The following WWOX variants were observed in gnomAD, a reference collection of about 807,000 sequenced individuals.
WWOX encodes WW domain-containing oxidoreductase.
A neutral mutation model predicts 46.2 loss-of-function variants in WWOX; 69 were observed. That is an observed-to-expected ratio of 1.49 (90% CI 1.23 to 1.82). The LOEUF (loss-of-function observed/expected upper bound fraction) is 1.82. Ranked by LOEUF, WWOX falls within the 40% of genes most tolerant of loss-of-function variation. WWOX has a pLI of 0.00. For synonymous variants in WWOX, 359 were observed against 202.6 expected (o/e 1.77, Z -6.56); for missense variants, 919 against 542.6 (o/e 1.69, Z -6.89).
intron 5 of WWOX, among the ~76,000 whole-genome samples, chr16:78,330,477 A>T (rs1020294104): frequency 1.3e-5 from 2 of 151,840 alleles, no homozygotes; most frequent in Admixed American, 6.6e-5. Context: ...GCTCACTACA[A>T]TCTCTGCCTC....
chr16:78,684,376 C>G (rs1366176312), intron 8 of WWOX, among the ~76,000 whole-genome samples: 1 of 152,154 alleles, frequency 6.6e-6, no homozygotes, highest in South Asian at 2.1e-4. Context: ...TTTTCCTTAG[C>G]AGGGAGTGCC....
At chr16:78,146,871 T>G (rs951293474) in intron 4 of WWOX, among the ~76,000 whole-genome samples, 2 of 152,182 alleles carry the variant, frequency 1.3e-5, no homozygotes, top group Non-Finnish European at 2.9e-5. Flanking sequence ...AAGAGTATAA[T>G]TTACTTCCTT....
intron 8 of WWOX, among the ~76,000 whole-genome samples, chr16:78,811,416 C>G (rs1006652686): frequency 2.0e-5 from 3 of 152,078 alleles, no homozygotes; most frequent in Non-Finnish European, 4.4e-5. Context: ...TATTAACTTT[C>G]TTCATCTCCC....
intron 8 of WWOX, among the ~76,000 whole-genome samples, chr16:78,797,331 G>A (rs1405785960): frequency 3.1e-5 from 4 of 130,150 alleles, no homozygotes; most frequent in Admixed American, 8.7e-5. Context: ...CAGGACACAA[G>A]GTATGCAATT....
chr16:78,394,099 C>G (rs879736581), intron 6 of WWOX, among the ~76,000 whole-genome samples: 4 of 152,120 alleles, frequency 2.6e-5, no homozygotes, highest in Non-Finnish European at 4.4e-5. Flanking sequence ...ATGAATTACC[C>G]TGAAGACCAA....
intron 5 of WWOX, among the ~76,000 whole-genome samples, chr16:78,175,796 A>G (rs1187016829): frequency 3.3e-5 from 5 of 152,218 alleles, no homozygotes; most frequent in Non-Finnish European, 7.3e-5. Context: ...CTCTGGGGGA[A>G]TTTGTGATGT....
At chr16:78,390,751 T>A (rs1714056824) in intron 6 of WWOX, among the ~76,000 whole-genome samples, 1 of 152,142 alleles carries the variant, frequency 6.6e-6, no homozygotes, top group Non-Finnish European at 1.5e-5. Flanking sequence ...TCTATTCTTA[T>A]CACCCCCCAT....
intron 5 of WWOX, among the ~76,000 whole-genome samples, chr16:78,331,584 G>A (rs1739877285): frequency 6.6e-6 from 1 of 152,166 alleles, no homozygotes; most frequent in Non-Finnish European, 1.5e-5. Flanking sequence ...ACACAGACGT[G>A]GCCCTGTAAC....
intron 8 of WWOX, among the ~76,000 whole-genome samples, chr16:78,653,557 A>G (rs2047013009): frequency 6.6e-6 from 1 of 152,234 alleles, no homozygotes; most frequent in Non-Finnish European, 1.5e-5. Context: ...ACAGGAAGAG[A>G]GACCTTCTGC....
chr16:78,739,123 G>T (rs1227357513), intron 8 of WWOX, among the ~76,000 whole-genome samples: 1 of 152,120 alleles, frequency 6.6e-6, no homozygotes, highest in Non-Finnish European at 1.5e-5. Context: ...CTTGCAGCAG[G>T]CCAGTGGTAA....
chr16:78,721,515 G>C (rs1373357405), intron 8 of WWOX, among the ~76,000 whole-genome samples: 1 of 152,180 alleles, frequency 6.6e-6, no homozygotes, highest in Admixed American at 6.6e-5. Context: ...GGGGTTGTGG[G>C]CTGGGGGAAC....
chr16:79,071,684 G>T lies in WWOX; in HGVS notation c.1057-139924G>T, dbSNP rs139413534. Reference sequence around the variant, plus strand: ...TGGGTCTTTCTTGGCCTCCTGCCCCGCATTCCCCTTCACGTTGTAAACGTA... The same window carrying T: ...TGGGTCTTTCTTGGCCTCCTGCCCCTCATTCCCCTTCACGTTGTAAACGTA... On this transcript the variant is annotated intron_variant, in intron 8 of 8. Transcript: ENST00000566780. Among the ~76,000 whole-genome samples the T allele has an allele frequency of 3.5e-4, 54 of 152,326 alleles. No individual in the cohort carries two copies. The East Asian group carries it at 9.8e-3, about 28-fold the overall frequency.
chr16:78,504,848 C>T (rs2085153653), intron 8 of WWOX, among the ~76,000 whole-genome samples: 1 of 152,122 alleles, frequency 6.6e-6, no homozygotes, highest in African/African-American at 2.4e-5. Flanking sequence ...GGATTATTTA[C>T]TTTCTAGAAT....
At chr16:78,950,860 C>T (rs982556540) in intron 8 of WWOX, among the ~76,000 whole-genome samples, 1 of 152,124 alleles carries the variant, frequency 6.6e-6, no homozygotes, top group Non-Finnish European at 1.5e-5. Flanking sequence ...ATTGTCTCTT[C>T]TTATTATAGT....
At chr16:78,966,927 G>A (rs568400950) in intron 8 of WWOX, among the ~76,000 whole-genome samples, 5 of 152,278 alleles carry the variant, frequency 3.3e-5, no homozygotes, top group East Asian at 1.9e-4. Context: ...AAGCGTCTGC[G>A]TTGTGTCTGG....
intron 8 of WWOX, among the ~76,000 whole-genome samples, chr16:78,993,889 C>T (rs1003115560): frequency 2.0e-5 from 3 of 152,126 alleles, no homozygotes; most frequent in African/African-American, 7.2e-5. Flanking sequence ...CTTTCGTGTC[C>T]GTTGGGTGCA....
intron 5 of WWOX, among the ~76,000 whole-genome samples, chr16:78,284,902 G>A (rs1186220666): frequency 1.3e-5 from 2 of 152,088 alleles, no homozygotes; most frequent in Non-Finnish European, 2.9e-5. Flanking sequence ...TATTAGTTTC[G>A]TTTTCTCAAG....
chr16:78,297,839 C>T (rs1464165089), intron 5 of WWOX, among the ~76,000 whole-genome samples: 1 of 152,068 alleles, frequency 6.6e-6, no homozygotes, highest in Non-Finnish European at 1.5e-5. Context: ...GCAGGAGTTC[C>T]AGGGAAGGTG....
At chr16:79,021,794 A>G (rs2047538853) in intron 8 of WWOX, among the ~76,000 whole-genome samples, 2 of 152,282 alleles carry the variant, frequency 1.3e-5, no homozygotes, top group African/African-American at 2.4e-5. Flanking sequence ...CCAGCCACAG[A>G]CCCTCAGATT....
Sources: allele counts gnomAD v4.1 joint callset (sites outside exome capture counted in the v4.1 genomes callset), GRCh38; gene constraint gnomAD v4.1.1; transcripts MANE v1.5; gene names NCBI Gene and HGNC (gene_info 2026-07-23, HGNC 2026-07-21).